Variants in GRIA1 observed in about 807,000 individuals in gnomAD.
GRIA1 encodes the protein glutamate receptor 1.
A neutral mutation model predicts 99.2 loss-of-function variants in GRIA1; 31 were observed. That is an observed-to-expected ratio of 0.31 (90% CI 0.23 to 0.42). The LOEUF is 0.42. Ranked by LOEUF, GRIA1 falls within the 10% of genes least tolerant of loss-of-function variation. The pLI, the probability that GRIA1 is intolerant of heterozygous loss-of-function variation, is 1.00. For synonymous variants in GRIA1, 438 were observed against 432.4 expected, an observed-to-expected ratio of 1.01 and a Z score of -0.16; for missense variants, 782 against 1,157.5, an observed-to-expected ratio of 0.68 and a Z score of 4.71.
At chr5:153,762,380 G>A (rs1320994780) in intron 11 of GRIA1, among the ~76,000 whole-genome samples, 1 of 152,162 alleles carries the variant, frequency 6.6e-6, no homozygotes, top group Non-Finnish European at 1.5e-5. Flanking sequence ...AGTTGGGAAA[G>A]CTGCTGCAGC....
chr5:153,774,682 G>A (rs1323872720), intron 13 of GRIA1, among the ~76,000 whole-genome samples: 1 of 152,156 alleles, frequency 6.6e-6, no homozygotes, highest in Non-Finnish European at 1.5e-5. Context: ...CTTACAGCCT[G>A]CCTAGAACAA....
intron 11 of GRIA1, among the ~76,000 whole-genome samples, chr5:153,720,178 C>T (rs990628342): frequency 3.3e-5 from 5 of 152,130 alleles, no homozygotes; most frequent in African/African-American, 2.4e-5. Context: ...TTCACATAGC[C>T]GGTAAAGTTA....
intron 2 of GRIA1, among the ~76,000 whole-genome samples, chr5:153,565,193 C>A (rs192332611): frequency 6.6e-6 from 1 of 152,142 alleles, no homozygotes; most frequent in Non-Finnish European, 1.5e-5. Context: ...ACTTCTATGG[C>A]GGACTTATGT....
At chr5:153,675,461 A>C (rs1428985753) in intron 6 of GRIA1, among the ~76,000 whole-genome samples, 2 of 152,222 alleles carry the variant, frequency 1.3e-5, no homozygotes, top group Non-Finnish European at 2.9e-5. Context: ...TTATTTGAGA[A>C]TGCTTGGGAA....
intron 2 of GRIA1, among the ~76,000 whole-genome samples, chr5:153,620,241 A>T (rs1261587040): frequency 6.6e-6 from 1 of 152,112 alleles, no homozygotes; most frequent in Admixed American, 6.5e-5. Context: ...CATAGAAGGA[A>T]CTAGATGCTC....
chr5:153,644,271 G>A (rs979303643), intron 2 of GRIA1, among the ~76,000 whole-genome samples: 1 of 152,174 alleles, frequency 6.6e-6, no homozygotes, highest in African/African-American at 2.4e-5. Flanking sequence ...TTTAAAGACA[G>A]TGCCTATTGT....
chr5:153,612,685 A>G (rs1766098530), intron 2 of GRIA1, among the ~76,000 whole-genome samples: 1 of 152,238 alleles, frequency 6.6e-6, no homozygotes, highest in African/African-American at 2.4e-5. Flanking sequence ...TTATCAGAAA[A>G]GAACTTTGCA....
At chr5:153,725,506 G>A (rs1581544757) in intron 11 of GRIA1, among the ~76,000 whole-genome samples, 3 of 114,454 alleles carry the variant, frequency 2.6e-5, no homozygotes, top group Non-Finnish European at 3.5e-5. Context: ...CCCATCTCAC[G>A]TGCAGAGACA....
chr5:153,645,384 T>C (rs2963953), intron 2 of GRIA1, among the ~76,000 whole-genome samples: 62,888 of 151,962 alleles, frequency 0.41, 14,002 homozygotes, highest in Non-Finnish European at 0.5. Context: ...TAACAGAAAA[T>C]GGAGACTCAC....
At chr5:153,677,972 A>G (rs577877714) in intron 7 of GRIA1, among the ~76,000 whole-genome samples, 3 of 152,332 alleles carry the variant, frequency 2.0e-5, no homozygotes, top group East Asian at 3.9e-4. Context: ...GCCTCCTGCT[A>G]GAGAAGCTGT....
chr5:153,681,832 G>C (rs2149492445), intron 7 of GRIA1, among the ~76,000 whole-genome samples: 1 of 152,182 alleles, frequency 6.6e-6, no homozygotes, highest in South Asian at 2.1e-4. Flanking sequence ...TAAGGAGTTT[G>C]AGACCAACCT....
intron 2 of GRIA1, among the ~76,000 whole-genome samples, chr5:153,552,322 C>T (rs978729810): frequency 6.6e-6 from 1 of 152,086 alleles, no homozygotes; most frequent in Non-Finnish European, 1.5e-5. Context: ...CTGGCCACGT[C>T]CTGTAAGAAC....
At chr5:153,588,829 G>A (rs112107498) in intron 2 of GRIA1, among the ~76,000 whole-genome samples, 44 of 151,922 alleles carry the variant, frequency 2.9e-4, no homozygotes, top group Non-Finnish European at 6.0e-4. Flanking sequence ...AACTTCTTTC[G>A]CATCTATCCA....
chr5:153,576,970 ATGGATGGATGGATGGG>A (rs1478618094), intron 2 of GRIA1, among the ~76,000 whole-genome samples: 2 of 139,686 alleles, frequency 1.4e-5, no homozygotes, highest in East Asian at 3.1e-4. Flanking sequence ...GGATGGATGG[ATGGATGGATGGATGGG>A]TGAGTGGATG....
At chr5:153,640,612 G>A (rs1476587273) in intron 2 of GRIA1, among the ~76,000 whole-genome samples, 2 of 152,186 alleles carry the variant, frequency 1.3e-5, no homozygotes, top group East Asian at 3.9e-4. Flanking sequence ...AAAGGACCCA[G>A]TTAACACTGA....
chr5:153,748,080 A>T (rs1373018407), intron 11 of GRIA1, among the ~76,000 whole-genome samples: 1 of 152,244 alleles, frequency 6.6e-6, no homozygotes, highest in Non-Finnish European at 1.5e-5. Context: ...CTGAAGTTAC[A>T]CATTAGTGGA....
chr5:153,638,801 TG>T (rs1206996772), intron 2 of GRIA1, among the ~76,000 whole-genome samples: 1 of 152,236 alleles, frequency 6.6e-6, no homozygotes, highest in Non-Finnish European at 1.5e-5. Context: ...CACATTTTTA[TG>T]TACATTTAAA....
chr5:153,641,626 GCT>G (rs1429731762), intron 2 of GRIA1, among the ~76,000 whole-genome samples: 3 of 152,176 alleles, frequency 2.0e-5, no homozygotes, highest in Non-Finnish European at 2.9e-5. Context: ...CTCCCTGAAT[GCT>G]CTCTCTATCT....
rs150724497 is a variant in GRIA1 at position 153,736,408 on chromosome 5, A to C, written c.1824-28026A>C. On this transcript the variant is annotated intron_variant, in intron 11 of 15. Coordinates refer to ENST00000285900, the MANE Select transcript of GRIA1 (RefSeq NM_000827.4). ...GAAGCATTAACCAACTGAAAACTTT[A>C]ATTAAAATTCACATAGAATGAAGTT... 2.1e-3 allele frequency among the ~76,000 whole-genome samples: 326 copies of C among 152,314 alleles called. 3 individuals carry two copies. The highest frequency in any genetic ancestry group is 3.8e-3 in the Non-Finnish European group (257 of 68,032).
Sources: gnomAD v4.1 joint callset for allele counts (sites outside exome capture counted in the v4.1 genomes callset) on GRCh38, gnomAD v4.1.1 for gene constraint, MANE v1.5 for transcripts, NCBI Gene and HGNC (gene_info 2026-07-23, HGNC 2026-07-21) for gene names.